Variants in CFAP299 observed in about 807,000 individuals in gnomAD.
CFAP299 encodes the protein cilia- and flagella-associated protein 299.
A neutral mutation model predicts 27.0 loss-of-function variants in CFAP299; 21 were observed. The ratio of observed to expected loss-of-function variants is 0.78; its 90% CI spans 0.55 to 1.12. The LOEUF (loss-of-function observed/expected upper bound fraction) is 1.12. Among genes scored for constraint, CFAP299 ranks in the 50% most tolerant of loss-of-function variants. The probability of loss-of-function intolerance (pLI) is 0.00; values close to 1 mark genes in which losing one functional copy is unlikely to be tolerated. For synonymous variants in CFAP299, 104 were observed against 98.1 expected, an observed-to-expected ratio of 1.06 and a Z score of -0.36; for missense variants, 310 against 276.6, an observed-to-expected ratio of 1.12 and a Z score of -0.86.
intron 3 of CFAP299, among the ~76,000 whole-genome samples, chr4:80,810,808 C>T (rs1011630845): frequency 9.9e-5 from 15 of 152,034 alleles, no homozygotes; most frequent in Non-Finnish European, 2.2e-4. Context: ...TGAGCATCAT[C>T]CCATGCATCT....
intron 3 of CFAP299, among the ~76,000 whole-genome samples, chr4:80,660,639 A>G (rs1477517900): frequency 1.3e-5 from 2 of 152,218 alleles, no homozygotes; most frequent in African/African-American, 4.8e-5. Flanking sequence ...CAAGAGGTCT[A>G]GGATAACATC....
intron 2 of CFAP299, among the ~76,000 whole-genome samples, chr4:80,517,858 C>T (rs1732662656): frequency 6.6e-6 from 1 of 152,072 alleles, no homozygotes; most frequent in Admixed American, 6.6e-5. Context: ...TGATGAACTG[C>T]ACTATGAATA....
intron 3 of CFAP299, among the ~76,000 whole-genome samples, chr4:80,680,530 ATAACAATAAGCTTTTTT>A: frequency 6.6e-6 from 1 of 152,284 alleles, no homozygotes; most frequent in South Asian, 2.1e-4. Flanking sequence ...TATCTTGGAA[ATAACAATAAGCTTTTTT>A]TCCTGCCTTC....
rs552878257 is a variant in CFAP299, at chr4:80,385,033, T to A, written c.242+22149T>A. Among the ~76,000 whole-genome samples the A allele has an allele frequency of 2.6e-5, 4 of 152,326 alleles. No homozygotes were observed. In the South Asian group the frequency reaches 8.3e-4, roughly 32 times the overall value. On this transcript the variant is annotated intron_variant, in intron 2 of 5. Coordinates refer to ENST00000358105, the MANE Select transcript of CFAP299 (RefSeq NM_152770.3). ...GTGATGTTTTGTTATATGTATACAT[T>A]GTGGAATGATTAAATGAAGCTATTA...
rs554837875 is a variant in CFAP299, at chr4:80,853,774, G to A, written c.334-16219G>A. On this transcript the variant is annotated intron_variant, in intron 3 of 5. Transcript: ENST00000358105. ...AAAAGTAGGCATCAAGAAGAACCCC[G>A]AGGTTTTTGGCCTGAGCAATTAGGT... Among the ~76,000 whole-genome samples the A allele has an allele frequency of 5.9e-5, 9 of 152,258 alleles. 1 individual carries two copies. In the South Asian group the frequency reaches 6.2e-4, roughly 11 times the overall value.
At chr4:80,486,574 G>A (rs1039116841) in intron 2 of CFAP299, among the ~76,000 whole-genome samples, 25 of 152,288 alleles carry the variant, frequency 1.6e-4, no homozygotes, top group African/African-American at 6.0e-4. Flanking sequence ...GATCTGTGAG[G>A]ATGCAATGCA....
In CFAP299 at chr4:80,895,189, C is replaced by T. The variant is rs7659076; in HGVS notation, c.476+25054C>T. ...TTCTCACCACACACACACACACACA[C>T]ACACACACACTAGTAACTATGTGAA... On this transcript the variant is annotated intron_variant, in intron 4 of 5. Transcript: ENST00000358105. Among the ~76,000 whole-genome samples, 74 of 151,688 alleles carry T rather than the reference C, an allele frequency of 4.9e-4. 1 individual carries two copies. Among genetic ancestry groups the T allele is most frequent in the African/African-American group, 1.6e-3 (66 of 41,298 alleles).
intron 2 of CFAP299, among the ~76,000 whole-genome samples, chr4:80,375,666 A>C (rs576077541): frequency 2.0e-5 from 3 of 152,250 alleles, no homozygotes; most frequent in Non-Finnish European, 4.4e-5. Flanking sequence ...AAGGTTGAAC[A>C]AGGGCAGCTT....
intron 4 of CFAP299, among the ~76,000 whole-genome samples, chr4:80,900,047 T>A (rs776872527): frequency 2.6e-5 from 4 of 151,196 alleles, no homozygotes; most frequent in Non-Finnish European, 5.9e-5. Context: ...AAAGGTGACT[T>A]GGAGGTGGAG....
intron 4 of CFAP299, among the ~76,000 whole-genome samples, chr4:80,881,649 T>C (rs565107651): frequency 6.6e-6 from 1 of 152,324 alleles, no homozygotes; most frequent in South Asian, 2.1e-4. Flanking sequence ...AAGAGGTATC[T>C]GCTTCTTTAA....
chr4:80,381,959 A>G (rs1288474442), intron 2 of CFAP299, among the ~76,000 whole-genome samples: 2 of 152,224 alleles, frequency 1.3e-5, no homozygotes, highest in Admixed American at 6.5e-5. Flanking sequence ...ATTTGAGGCA[A>G]TTAACAAGGG....
At chr4:80,386,384 C>A (rs1280423543) in intron 2 of CFAP299, 15 of 1,526,640 alleles carry the variant, frequency 9.8e-6, no homozygotes, top group Non-Finnish European at 1.2e-5. Context: ...CCGGGACGGC[C>A]TCGGGCACCA....
intron 4 of CFAP299, among the ~76,000 whole-genome samples, chr4:80,938,644 G>A (rs1443653298): frequency 6.6e-6 from 1 of 152,168 alleles, no homozygotes; most frequent in Non-Finnish European, 1.5e-5. Context: ...CTGTGTGTGT[G>A]TCTTTAATTC....
At chr4:80,677,361 T>C (rs1719528218) in intron 3 of CFAP299, among the ~76,000 whole-genome samples, 1 of 152,042 alleles carries the variant, frequency 6.6e-6, no homozygotes, top group Non-Finnish European at 1.5e-5. Context: ...TTGTTTCTCC[T>C]ACTTTCATAC....
intron 2 of CFAP299, among the ~76,000 whole-genome samples, chr4:80,404,459 C>A (rs1031673688): frequency 6.6e-6 from 1 of 152,318 alleles, no homozygotes; most frequent in Admixed American, 6.5e-5. Context: ...TATTCTCCAG[C>A]TCCTAGCAAC....
intron 2 of CFAP299, among the ~76,000 whole-genome samples, chr4:80,401,025 T>C (rs1294227748): frequency 6.6e-6 from 1 of 152,164 alleles, no homozygotes; most frequent in South Asian, 2.1e-4. Context: ...TTGTGGAACA[T>C]TGGACTTGAG....
chr4:80,409,191 A>G (rs1267480440), intron 2 of CFAP299, among the ~76,000 whole-genome samples: 2 of 152,174 alleles, frequency 1.3e-5, no homozygotes, highest in Non-Finnish European at 2.9e-5. Flanking sequence ...AAAATGAGAA[A>G]TTTTTGCTGG....
chr4:80,645,066 AC>A (rs1263370269), intron 3 of CFAP299, among the ~76,000 whole-genome samples: 1 of 152,000 alleles, frequency 6.6e-6, no homozygotes. Flanking sequence ...GTTTCAGAGT[AC>A]CTTACTTTAA....
At chr4:80,816,034 A>G (rs1729404079) in intron 3 of CFAP299, among the ~76,000 whole-genome samples, 1 of 152,036 alleles carries the variant, frequency 6.6e-6, no homozygotes, top group Admixed American at 6.6e-5. Flanking sequence ...CTAGAAAAAG[A>G]AAACTATTAC....
Sources: gnomAD v4.1 joint callset for allele counts (sites outside exome capture counted in the v4.1 genomes callset) on GRCh38, gnomAD v4.1.1 for gene constraint, MANE v1.5 for transcripts, NCBI Gene and HGNC (gene_info 2026-07-23, HGNC 2026-07-21) for gene names.